SCAMP4: variants seen among roughly 807,000 people sequenced by gnomAD.
The protein encoded by SCAMP4 is secretory carrier-associated membrane protein 4.
In SCAMP4, 19 loss-of-function variants were observed where a neutral mutation model predicts 32.1. That is an observed-to-expected ratio of 0.59 (90% confidence interval 0.41 to 0.87). The LOEUF (loss-of-function observed/expected upper bound fraction) is 0.87. SCAMP4 is among the 40% of genes least tolerant of loss of function. The pLI, the probability that SCAMP4 is intolerant of heterozygous loss-of-function variation, is 0.00. For synonymous variants in SCAMP4, 152 were observed against 132.7 expected (o/e 1.15, Z -1.00); for missense variants, 302 against 309.0 (o/e 0.98, Z 0.17).
chr19:1,914,317 A>C (rs1006885605), intron 1 of SCAMP4, among the ~76,000 whole-genome samples: 2 of 152,090 alleles, frequency 1.3e-5, no homozygotes, highest in African/African-American at 4.8e-5. Context: ...AGTTCCTGGG[A>C]ACTGCCTCAC....
At chr19:1,911,593 C>G (rs567806955) in intron 1 of SCAMP4, among the ~76,000 whole-genome samples, 153 of 152,262 alleles carry the variant, frequency 1.0e-3, no homozygotes, top group African/African-American at 3.5e-3. Context: ...CCAGCCTGAA[C>G]GACGTGGTGA....
intron 1 of SCAMP4, chr19:1,913,198 C>T (rs1465253672): frequency 5.5e-6 from 8 of 1,467,296 alleles, no homozygotes. Context: ...GGCCGTGGGG[C>T]GCCCCTCCTG....
chr19:1,920,960 A>T, intron 5 of SCAMP4: 1 of 985,302 alleles, frequency 1.0e-6, no homozygotes, highest in Non-Finnish European at 1.2e-6. Context: ...CATCTCCCGC[A>T]GGTCACGGGA....
intron 5 of SCAMP4, 21 bp downstream of exon 5, chr19:1,919,011 C>G (rs746205473): frequency 6.3e-7 from 1 of 1,587,820 alleles, no homozygotes; most frequent in Non-Finnish European, 8.6e-7. Flanking sequence ...CTCTGATGGG[C>G]GTGGTGGCTG....
rs139117131 is a variant in SCAMP4, at chr19:1,912,595, C to T, written c.-41-2384C>T. 24,361 of 1,489,484 alleles carry T rather than the reference C, an allele frequency of 0.016. 241 individuals are homozygous for T. The highest frequency in any genetic ancestry group is 0.019 in the Non-Finnish European group (21,756 of 1,126,382). The allele number at this position is 1,489,484 out of a possible 1,614,324, so 92.3% of individuals were successfully genotyped here. The stretch of plus-strand genomic sequence containing the variant: ...GCCCTGGCTGGGCGGCTCTTCTCCA[C>T]GCAGGAGCGCGCCGCCATGCAGAGC... On this transcript the variant is annotated intron_variant, in intron 1 of 6. Transcript: ENST00000316097.
Position 1,908,296 on chromosome 19 carries a change from C to T in SCAMP4, c.-42+2857C>T, listed in dbSNP as rs770657112. 8 of 328,044 alleles carry T rather than the reference C, an allele frequency of 2.4e-5. No individual in the cohort carries two copies. The highest frequency in any genetic ancestry group is 8.9e-5 in the African/African-American group (4 of 44,840). The allele number at this position is 328,044 out of a possible 1,614,324, so 20.3% of individuals were successfully genotyped here. On this transcript the variant is annotated intron_variant, in intron 1 of 6. Transcript: ENST00000316097. The surrounding 1 kb of genome is among the most constrained non-coding windows in gnomAD (Gnocchi z 4.2). ...CTCCGGTTCTGTGCTTTGTTGAACG[C>T]GTGAGCTTCGGGCAGCGCTGGGGCC...
At chr19:1,922,629 G>A (rs2013956003) in intron 5 of SCAMP4, 1 of 985,890 alleles carries the variant, frequency 1.0e-6, no homozygotes, top group African/African-American at 1.7e-5. Flanking sequence ...GTAGGTTTCA[G>A]CAGTTCCCAT....
chr19:1,907,391 T>TAAAAA (rs111426560), intron 1 of SCAMP4, among the ~76,000 whole-genome samples: 2,263 of 137,284 alleles, frequency 0.016, 62 homozygotes, highest in African/African-American at 0.056. Flanking sequence ...AGCCCTGCCT[T>TAAAAA]AAAAAAAAAA....
rs981207353 is a variant in SCAMP4 at position 1,924,700 on chromosome 19, G to A, written c.*416G>A. On this transcript the variant is annotated 3_prime_UTR_variant, in exon 7 of 7. Transcript: ENST00000316097. ...CAGAGCGGGTCTGATGGGGAGCTCC[G>A]TCTCACCGGCCACCCGCCGTCACCA... The A allele has an allele frequency of 2.0e-5, 4 of 199,314 alleles. No homozygotes were observed. The highest frequency in any genetic ancestry group is 3.2e-5 in the Non-Finnish European group (3 of 93,932). 12.3% of individuals were successfully genotyped at this position (199,314 alleles called of 1,614,324 possible). A position where few individuals can be genotyped will look rare whatever the true frequency, so the allele number is the denominator to read the frequency against.
At chr19:1,913,668 C>G (rs952207424) in intron 1 of SCAMP4, among the ~76,000 whole-genome samples, 1 of 152,188 alleles carries the variant, frequency 6.6e-6, no homozygotes, top group African/African-American at 2.4e-5. Flanking sequence ...TGTGTGGACA[C>G]TAGGCGTAGT....
chr19:1,919,726 C>T (rs1235464359), intron 5 of SCAMP4, among the ~76,000 whole-genome samples: 4 of 151,858 alleles, frequency 2.6e-5, no homozygotes, highest in South Asian at 2.1e-4. Flanking sequence ...ATCGAACTCC[C>T]GAGCTCAGGC....
chr19:1,914,690 A>G, intron 1 of SCAMP4: 1 of 465,048 alleles, frequency 2.2e-6, no homozygotes, highest in South Asian at 2.3e-5. Flanking sequence ...TGGGGGACGC[A>G]GGGGCCTAGG....
chr19:1,924,268 G>A lies in SCAMP4; in HGVS notation c.674G>A (p.Ser225Asn). 1 of 1,594,628 alleles carries A rather than the reference G, an allele frequency of 6.3e-7. No homozygotes were observed. The highest frequency in any genetic ancestry group is 1.1e-5 in the South Asian group (1 of 88,464). Reference sequence around the variant, plus strand: ...CCCACTGTGCCCAGCTACCCGGGCAGTGGCCAGTGGCCTTAGAGGGAGCCT... The same window carrying A: ...CCCACTGTGCCCAGCTACCCGGGCAATGGCCAGTGGCCTTAGAGGGAGCCT... ...EYPTVPSYPG[S>N]GQWP is the part of the protein sequence containing the mutation. Residue 225 changes from serine (S) to asparagine (N), a missense_variant, in exon 7 of 7, where the codon AGT becomes AAT. Physicochemically the swap from Ser to Asn is conservative, Grantham distance 46. Transcript: ENST00000316097.
At chr19:1,918,336 C>G (rs2145451974) in intron 4 of SCAMP4, 53 bp downstream of exon 4, 1 of 1,501,908 alleles carries the variant, frequency 6.7e-7, no homozygotes, top group Non-Finnish European at 8.9e-7. Context: ...AGGGCCCACT[C>G]TGCACCCCAG....
chr19:1,912,372 C>T (rs1312014800), intron 1 of SCAMP4: 1 of 1,523,986 alleles, frequency 6.6e-7, no homozygotes, highest in East Asian at 2.6e-5. Flanking sequence ...CCTGGAGATG[C>T]TGCTTTGCCT....
At position 1,918,210 on chromosome 19, in the gene SCAMP4, G is replaced by A; in HGVS notation, c.220G>A (p.Ala74Thr). 6.2e-7 allele frequency: 1 copy of A among 1,611,958 alleles called. No individual in the cohort carries two copies. Among genetic ancestry groups the A allele is most frequent in the Non-Finnish European group, 8.5e-7 (1 of 1,179,836 alleles). ...AGGCTCGGGGACCAACTTCGGCCTG[G>A]CCTTCGTGTGGCTGCTCCTGTTCAC... ...GGGSGTNFGL[A>T]FVWLLLFTPC... The change falls in exon 4 of 7, where the codon GCC (alanine) becomes ACC (threonine). Residue 74 changes from alanine to threonine, a missense_variant. Transcript: ENST00000316097.
intron 5 of SCAMP4, chr19:1,922,541 TTG>T (rs1208666824): frequency 1.0e-6 from 1 of 985,370 alleles, no homozygotes; most frequent in Non-Finnish European, 1.2e-6. Context: ...GGCCTCCTCA[TTG>T]TTTCTAATGG....
At chr19:1,919,088 C>A in intron 5 of SCAMP4, 98 bp downstream of exon 5, 1 of 1,544,942 alleles carries the variant, frequency 6.5e-7, no homozygotes, top group Non-Finnish European at 8.7e-7. Flanking sequence ...GCGTGCTGGT[C>A]CGGGATTGTA....
intron 1 of SCAMP4, chr19:1,912,654 G>A (rs1224037659): frequency 7.0e-7 from 1 of 1,421,416 alleles, no homozygotes; most frequent in East Asian, 3.0e-5. Flanking sequence ...GGCCCGGCGG[G>A]CAGCAGCGCG....
Sources: allele counts gnomAD v4.1 joint callset (sites outside exome capture counted in the v4.1 genomes callset), GRCh38; gene constraint gnomAD v4.1.1; non-coding constraint Gnocchi (gnomAD v3.1); transcripts MANE v1.5; gene names NCBI Gene and HGNC (gene_info 2026-07-23, HGNC 2026-07-21).